The following JAM3 variants were observed in gnomAD, a reference collection of about 807,000 sequenced individuals.
JAM3 encodes the protein junctional adhesion molecule 3, also known as junctional adhesion molecule C.
In JAM3, 31 loss-of-function variants were observed where a neutral mutation model predicts 39.4. That is an observed-to-expected ratio of 0.79 (90% CI 0.59 to 1.06). The LOEUF is 1.06. Among genes scored for constraint, JAM3 ranks in the 50% least tolerant of loss-of-function variants. JAM3 has a pLI of 0.00. For missense variants in JAM3, 455 were observed against 391.4 expected, an observed-to-expected ratio of 1.16 and a Z score of -1.37; for synonymous variants, 182 against 148.7, an observed-to-expected ratio of 1.22 and a Z score of -1.63.
At chr11:134,095,281 A>G (rs1285076340) in intron 1 of JAM3, among the ~76,000 whole-genome samples, 1 of 152,214 alleles carries the variant, frequency 6.6e-6, no homozygotes, top group Non-Finnish European at 1.5e-5. Flanking sequence ...GCATGTACTA[A>G]TGCAAATATG....
intron 1 of JAM3, chr11:134,070,135 C>T (rs1276885052): frequency 5.3e-5 from 24 of 456,074 alleles, no homozygotes; most frequent in Non-Finnish European, 8.8e-6. Context: ...CTCCTTTCAG[C>T]AGCTCTGTGA....
chr11:134,126,880 TAAC>T (rs1350714827), intron 1 of JAM3, among the ~76,000 whole-genome samples: 3 of 152,240 alleles, frequency 2.0e-5, no homozygotes, highest in Non-Finnish European at 4.4e-5. Context: ...AGGATAATAA[TAAC>T]TTCTCCTTCT....
At chr11:134,128,194 C>T (rs1942690662) in intron 1 of JAM3, among the ~76,000 whole-genome samples, 1 of 152,170 alleles carries the variant, frequency 6.6e-6, no homozygotes, top group Non-Finnish European at 1.5e-5. Context: ...GTCCAGTCGT[C>T]TCCTTAATGT....
chr11:134,073,667 C>T (rs888177735), intron 1 of JAM3, among the ~76,000 whole-genome samples: 4 of 152,124 alleles, frequency 2.6e-5, no homozygotes, highest in Non-Finnish European at 5.9e-5. Context: ...CCTTAAAGAG[C>T]CAGGGTAATT....
At chr11:134,116,813 A>G (rs570205045) in intron 1 of JAM3, among the ~76,000 whole-genome samples, 1 of 152,110 alleles carries the variant, frequency 6.6e-6, no homozygotes, top group Non-Finnish European at 1.5e-5. Flanking sequence ...CTATTTCTCT[A>G]TTTGTATCTA....
At chr11:134,113,661 A>C (rs1397666786) in intron 1 of JAM3, among the ~76,000 whole-genome samples, 1 of 152,196 alleles carries the variant, frequency 6.6e-6, no homozygotes, top group Non-Finnish European at 1.5e-5. Flanking sequence ...ATCCGTGTGC[A>C]TGTGTCTTTA....
At chr11:134,099,239 G>A (rs1942034087) in intron 1 of JAM3, among the ~76,000 whole-genome samples, 1 of 151,898 alleles carries the variant, frequency 6.6e-6, no homozygotes, top group Non-Finnish European at 1.5e-5. Context: ...AGGTTGCATG[G>A]GGGAGGAATG....
chr11:134,145,312 G>A (rs1943052535), intron 5 of JAM3: 1 of 453,860 alleles, frequency 2.2e-6, no homozygotes, highest in Admixed American at 3.5e-5. Flanking sequence ...ATTACTAGGT[G>A]GTATTTGATG....
At chr11:134,123,722 C>G in intron 1 of JAM3, 1 of 562,298 alleles carries the variant, frequency 1.8e-6, no homozygotes, top group Middle Eastern at 5.3e-4. Context: ...GTGAATCCAT[C>G]ACTACTTTGA....
chr11:134,076,304 G>A (rs988344025), intron 1 of JAM3, among the ~76,000 whole-genome samples: 29 of 151,562 alleles, frequency 1.9e-4, no homozygotes, highest in Middle Eastern at 3.2e-3. Context: ...ACAGGCGGCC[G>A]CCACCACGCC....
At chr11:134,141,664 C>T (rs1206570972) in intron 3 of JAM3, among the ~76,000 whole-genome samples, 1 of 151,980 alleles carries the variant, frequency 6.6e-6, no homozygotes, top group Non-Finnish European at 1.5e-5. Flanking sequence ...AGGCCTTCTG[C>T]AGAGTCCGGG....
At chr11:134,141,309 G>C (rs1171438692) in intron 3 of JAM3, among the ~76,000 whole-genome samples, 2 of 152,144 alleles carry the variant, frequency 1.3e-5, no homozygotes, top group African/African-American at 4.8e-5. Context: ...AGGGTGGCTG[G>C]TTAGCAGGCA....
At chr11:134,124,284 C>G (rs1412818183) in intron 1 of JAM3, 4 of 924,656 alleles carry the variant, frequency 4.3e-6, no homozygotes, top group Non-Finnish European at 7.2e-6. Context: ...TACAAGAAAA[C>G]GCATGTTCTC....
At chr11:134,095,714 G>A (rs190641341) in intron 1 of JAM3, among the ~76,000 whole-genome samples, 2 of 152,198 alleles carry the variant, frequency 1.3e-5, no homozygotes, top group East Asian at 1.9e-4. Context: ...AAAGCACTAC[G>A]GAAGTACTCA....
At position 134,149,752 on chromosome 11, in the gene JAM3, A is replaced by G; in HGVS notation, c.*571A>G. On this transcript the variant is annotated 3_prime_UTR_variant, in exon 9 of 9. Transcript: ENST00000299106. ...GAAGCTTTTTGGATCAGCATTTTGT[A>G]AAAACAACCAAAATCAGGAAGGTAA... 4.6e-6 allele frequency: 2 copies of G among 436,994 alleles called. No individual in the cohort carries two copies. The highest frequency in any genetic ancestry group is 9.3e-6 in the Non-Finnish European group (2 of 215,202). The allele number at this position is 436,994 out of a possible 1,614,324, so 27.1% of individuals were successfully genotyped here. A position where few individuals can be genotyped will look rare whatever the true frequency, so the allele number is the denominator to read the frequency against.
Position 134,093,993 on chromosome 11 carries a change from C to G in JAM3, c.76+24834C>G, listed in dbSNP as rs1427125202. The stretch of plus-strand genomic sequence containing the variant: ...ATGTCACTTCCTGAGGAAAGCTTCT[C>G]CTGAACCCTCCTTATTCATCATGTT... On this transcript the variant is annotated intron_variant, in intron 1 of 8. Coordinates refer to ENST00000299106, the MANE Select transcript of JAM3 (RefSeq NM_032801.5). Among the ~76,000 whole-genome samples, 3 of 124,200 alleles carry G rather than the reference C, an allele frequency of 2.4e-5. No individual in the cohort carries two copies. The Admixed American group carries it at 2.4e-4, about 10-fold the overall frequency. 81.5% of individuals were successfully genotyped at this position (124,200 alleles called of 152,430 possible). A position where few individuals can be genotyped will look rare whatever the true frequency, so the allele number is the denominator to read the frequency against.
intron 1 of JAM3, among the ~76,000 whole-genome samples, chr11:134,101,696 T>A (rs567459390): frequency 6.6e-6 from 1 of 152,310 alleles, no homozygotes; most frequent in South Asian, 2.1e-4. Context: ...ACAAATCTGA[T>A]CATATTTCTC....
At chr11:134,097,408 G>A (rs1055515179) in intron 1 of JAM3, among the ~76,000 whole-genome samples, 2 of 152,196 alleles carry the variant, frequency 1.3e-5, no homozygotes, top group Admixed American at 6.5e-5. Flanking sequence ...GGAACAGGTT[G>A]TATTGACTCC....
intron 1 of JAM3, among the ~76,000 whole-genome samples, chr11:134,108,215 C>T (rs1384176265): frequency 6.6e-6 from 1 of 151,968 alleles, no homozygotes; most frequent in East Asian, 1.9e-4. Flanking sequence ...TTGAAAGACA[C>T]AACTACCAAA....
Sources: gnomAD v4.1 joint callset for allele counts (sites outside exome capture counted in the v4.1 genomes callset) on GRCh38, gnomAD v4.1.1 for gene constraint, MANE v1.5 for transcripts, NCBI Gene and HGNC (gene_info 2026-07-23, HGNC 2026-07-21) for gene names.